Variants in IGDCC4 observed in about 807,000 individuals in gnomAD.
The protein encoded by IGDCC4 is immunoglobulin superfamily DCC subclass member 4.
Under a neutral mutation model 116.6 loss-of-function variants are expected in IGDCC4, and 72 were observed. The ratio of observed to expected loss-of-function variants is 0.62; its 90% CI spans 0.51 to 0.75. The LOEUF (loss-of-function observed/expected upper bound fraction) is 0.75. Ranked by LOEUF, IGDCC4 falls within the 30% of genes least tolerant of loss-of-function variation. The pLI is 0.00. For missense variants in IGDCC4, 1,501 were observed against 1,662.4 expected (o/e 0.90, Z 1.69); for synonymous variants, 709 against 719.9 (o/e 0.98, Z 0.24).
Position 65,393,196 on chromosome 15 carries a change from G to A in IGDCC4, c.1885+165C>T, listed in dbSNP as rs1046347804. 6.6e-6 allele frequency among the ~76,000 whole-genome samples: 1 copy of A among 152,152 alleles called. No homozygotes were observed. Among genetic ancestry groups the A allele is most frequent in the African/African-American group, 2.4e-5 (1 of 41,430 alleles). On this transcript the variant is annotated intron_variant, in intron 10 of 19. Transcript: ENST00000352385. The surrounding 1 kb of genome is among the most constrained non-coding windows in gnomAD (Gnocchi z 4.6). ...CAAATCGAAGGGACACCAGATCCCA[G>A]CCCTTCACCTCTGCACCTAAGCCTC...
At chr15:65,399,437 G>A (rs1458404675) in intron 5 of IGDCC4, among the ~76,000 whole-genome samples, 1 of 143,126 alleles carries the variant, frequency 7.0e-6, no homozygotes, top group Non-Finnish European at 1.5e-5. Flanking sequence ...ACTCCAGCCT[G>A]GGTGACAGGC....
chr15:65,397,083 A>G, intron 5 of IGDCC4, 94 bp from the exon 6 acceptor site: 1 of 1,435,468 alleles, frequency 7.0e-7, no homozygotes, highest in Non-Finnish European at 9.5e-7. Flanking sequence ...ACCCGGATAA[A>G]GCAAACACAA....
At chr15:65,392,451 G>A (rs1436383856) in intron 10 of IGDCC4, 81 bp from the exon 11 acceptor site, 27 of 1,107,160 alleles carry the variant, frequency 2.4e-5, no homozygotes, top group Non-Finnish European at 2.7e-5. Context: ...TAGGAGACAG[G>A]GAAGAGGCAT....
At chr15:65,395,406 C>T (rs1290939716) in intron 7 of IGDCC4, 148 bp from the exon 8 acceptor site, 12 of 795,056 alleles carry the variant, frequency 1.5e-5, no homozygotes, top group Admixed American at 9.7e-5. Context: ...TATAAACTCC[C>T]TCAGCTTCCT....
chr15:65,396,960 C>T lies in IGDCC4; in HGVS notation c.871G>A (p.Val291Ile), dbSNP rs1236007052. The change falls in exon 6 of 20, where the codon GTC (valine) becomes ATC (isoleucine). Residue 291 changes from valine to isoleucine, a missense_variant. Coordinates refer to ENST00000352385, the MANE Select transcript of IGDCC4 (RefSeq NM_020962.3). ...DGKPISTDVI[V>I]LGRTNLLIAN... is the part of the protein sequence containing the mutation. ...ATTAGTAGGTTGGTGCGGCCCAGGA[C>T]GATGACATCTGTGGAGATGGGCTTC... 6.3e-7 allele frequency: 1 copy of T among 1,580,628 alleles called. No individual in the cohort carries two copies. Among genetic ancestry groups the T allele is most frequent in the South Asian group, 1.2e-5 (1 of 86,124 alleles).
chr15:65,384,925 T>C lies in IGDCC4; in HGVS notation c.3342+29A>G. On this transcript the variant is annotated intron_variant, in intron 19 of 19. Coordinates refer to ENST00000352385, the MANE Select transcript of IGDCC4 (RefSeq NM_020962.3). The surrounding 1 kb of genome is among the most constrained non-coding windows in gnomAD (Gnocchi z 4.9). ...ACAAGCACAGAGACCCTTTCCTCCT[T>C]TCCTGCCCCTTCCTTCCAGGACGCT... 6.3e-7 allele frequency: 1 copy of C among 1,587,760 alleles called. No homozygotes were observed. The highest frequency in any genetic ancestry group is 8.5e-7 in the Non-Finnish European group (1 of 1,174,814).
rs1241669982 is a variant in IGDCC4 at position 65,394,455 on chromosome 15, C to G, written c.1670G>C (p.Gly557Ala). The G allele has an allele frequency of 6.2e-7, 1 of 1,614,106 alleles. No homozygotes were observed. The highest frequency in any genetic ancestry group is 1.1e-5 in the South Asian group (1 of 91,084). ...TTCTATCTTGTACTTCACCACCTGC[C>G]CATTGCTCAGGCTGGGGGGCAGGGG... ...WLPLPPSLSN[G>A]QVVKYKIEYG... Residue 557 changes from glycine to alanine, a missense_variant, in exon 9 of 20, where the codon GGG becomes GCG. By Grantham distance (60) the Gly-to-Ala change is moderately conservative. Transcript: ENST00000352385.
rs2091434116 is a variant in IGDCC4, at chr15:65,384,472, T to C, written c.3343-53A>G. 5.5e-6 allele frequency: 8 copies of C among 1,461,118 alleles called. No homozygotes were observed. Among genetic ancestry groups the C allele is most frequent in the Non-Finnish European group, 6.3e-6 (7 of 1,106,792 alleles). The allele number at this position is 1,461,118 out of a possible 1,614,324, so 90.5% of individuals were successfully genotyped here. On this transcript the variant is annotated intron_variant, in intron 19 of 19. Coordinates refer to ENST00000352385, the MANE Select transcript of IGDCC4 (RefSeq NM_020962.3). The surrounding 1 kb of genome is among the most constrained non-coding windows in gnomAD (Gnocchi z 4.9). ...AAGTGACCATTACTGAGAGTAATCATCAGAATGACCAGCGTACGTGGGGCA... is the reference window on the plus strand; with the variant it reads ...AAGTGACCATTACTGAGAGTAATCACCAGAATGACCAGCGTACGTGGGGCA...
At chr15:65,397,522 A>G (rs1241866594) in intron 5 of IGDCC4, among the ~76,000 whole-genome samples, 4 of 152,226 alleles carry the variant, frequency 2.6e-5, no homozygotes, top group African/African-American at 9.6e-5. Flanking sequence ...ATGTCATCAA[A>G]GAAAGGCACT....
Position 65,410,200 on chromosome 15 carries a change from C to T in IGDCC4, c.541G>A (p.Val181Met), listed in dbSNP as rs765397844. The T allele has an allele frequency of 1.4e-5, 23 of 1,613,402 alleles. No homozygotes were observed. Residue 181 changes from valine (V) to methionine (M), a missense_variant, in exon 3 of 20, where the codon GTG becomes ATG. This residue lies in a region of IGDCC4 where 898 missense variants were observed against 978.9 expected (regional missense o/e 0.92). Coordinates refer to ENST00000352385, the MANE Select transcript of IGDCC4 (RefSeq NM_020962.3). ...CACCGAGGCTCCTCAGGCAATGTCACCTGGTCCTTCTCCCAAGTAATGATG... is the reference window on the plus strand; with the variant it reads ...CACCGAGGCTCCTCAGGCAATGTCATCTGGTCCTTCTCCCAAGTAATGATG... ...APIITWEKDQ[V>M]TLPEEPRLIV... is the part of the protein sequence containing the mutation.
intron 1 of IGDCC4, 66 bp from the exon 2 acceptor site, chr15:65,411,436 G>A: frequency 7.3e-7 from 1 of 1,374,438 alleles, no homozygotes; most frequent in Non-Finnish European, 9.7e-7. Context: ...CTCTGCTCCT[G>A]AGTCACCCAT....
At chr15:65,385,699 GGA>G (rs773999492) in intron 18 of IGDCC4, 130 bp downstream of exon 18, 11 of 778,230 alleles carry the variant, frequency 1.4e-5, no homozygotes, top group South Asian at 2.8e-5. Context: ...CGTGGAGGAG[GGA>G]GAGAGGCCCT....
rs748376730 is a variant in IGDCC4, at chr15:65,385,876, A to G, written c.3135T>C (p.Leu1045=). The G allele has an allele frequency of 3.7e-6, 6 of 1,612,838 alleles. No individual in the cohort carries two copies. The highest frequency in any genetic ancestry group is 4.2e-6 in the Non-Finnish European group (5 of 1,180,020). ...DVEDRAEVHS[L]MGGGVSEGRS... is the part of the protein sequence containing the mutation. ...GGCCTTCAGAAACACCGCCACCCAT[A>G]AGGCTGTGCACTTCAGCCCTGTCCT... The change falls in exon 18 of 20, where the codon CTT becomes CTC. Residue 1045 remains leucine (L), a synonymous_variant. Transcript: ENST00000352385.
At chr15:65,408,974 A>G (rs886239221) in intron 3 of IGDCC4, among the ~76,000 whole-genome samples, 1 of 151,860 alleles carries the variant, frequency 6.6e-6, no homozygotes, top group Non-Finnish European at 1.5e-5. Flanking sequence ...CGGGGACCAC[A>G]GGCACCACAC....
chr15:65,410,276 CT>C lies in IGDCC4; in HGVS notation c.464del (p.Glu155GlyfsTer27). 1 of 1,614,068 alleles carries C rather than the reference CT, an allele frequency of 6.2e-7. No individual in the cohort carries two copies. Among genetic ancestry groups the C allele is most frequent in the East Asian group, 2.2e-5 (1 of 44,874 alleles). ...FSLHPESQTV[E>X]ENGTARFECH... ...ACTCAAAGCGAGCTGTCCCGTTCTC[CT>C]CCACCGTCTGAGACTCCGGGTGCAG... On this transcript the variant is annotated frameshift_variant, in exon 3 of 20. Transcript: ENST00000352385. LOFTEE classifies it high-confidence loss of function.
At chr15:65,422,519 AACACACACACACACACAC>A (rs140587709) in intron 1 of IGDCC4, among the ~76,000 whole-genome samples, 3 of 131,226 alleles carry the variant, frequency 2.3e-5, no homozygotes, top group Non-Finnish European at 4.9e-5. Flanking sequence ...GAGCACTCCC[AACACACACACACACACAC>A]ACACACACAC....
intron 1 of IGDCC4, among the ~76,000 whole-genome samples, chr15:65,418,907 G>A (rs183868098): frequency 1.6e-3 from 238 of 152,288 alleles, no homozygotes; most frequent in African/African-American, 5.6e-3. Context: ...TAACGTCTCA[G>A]AAGGTATAGA....
At position 65,393,632 on chromosome 15, in the gene IGDCC4, G is replaced by T. The variant is rs2062889633; in HGVS notation, c.1715-101C>A. 4 of 1,235,502 alleles carry T rather than the reference G, an allele frequency of 3.2e-6. No homozygotes were observed. Among genetic ancestry groups the T allele is most frequent in the Admixed American group, 2.3e-5 (1 of 44,030 alleles). The allele number at this position is 1,235,502 out of a possible 1,614,324, so 76.5% of individuals were successfully genotyped here. Reference sequence around the variant, plus strand: ...CCGCCTCACATCCCGGTTCCTCCGTGCCCGTGGGAGCCTGAGGCGTTCTCA... The same window carrying T: ...CCGCCTCACATCCCGGTTCCTCCGTTCCCGTGGGAGCCTGAGGCGTTCTCA... On this transcript the variant is annotated intron_variant, in intron 9 of 19. Coordinates refer to ENST00000352385, the MANE Select transcript of IGDCC4 (RefSeq NM_020962.3). The surrounding 1 kb of genome is among the most constrained non-coding windows in gnomAD (Gnocchi z 4.6).
Position 65,395,883 on chromosome 15 carries a change from C to G in IGDCC4, c.1278G>C (p.Glu426Asp). The change falls in exon 7 of 20, where the codon GAG becomes GAC. Residue 426 changes from glutamate (E) to aspartate (D), a missense_variant. Transcript: ENST00000352385. The stretch of plus-strand genomic sequence containing the variant: ...CCCGCGTGGGGGCGCTGGGCAGCCC[C>G]TCGCGCACCACCACGGCCAGCGACG... ...AAASLAVVVREGLPSAPTRVT... is the reference protein window; with the variant it reads ...AAASLAVVVRDGLPSAPTRVT... 1 of 1,588,304 alleles carries G rather than the reference C, an allele frequency of 6.3e-7. No individual in the cohort carries two copies. The highest frequency in any genetic ancestry group is 8.5e-7 in the Non-Finnish European group (1 of 1,174,366).
Sources: allele counts gnomAD v4.1 joint callset (sites outside exome capture counted in the v4.1 genomes callset), GRCh38; gene constraint gnomAD v4.1.1; regional missense constraint gnomAD v4.1.1; non-coding constraint Gnocchi (gnomAD v3.1); transcripts MANE v1.5; gene names NCBI Gene and HGNC (gene_info 2026-07-23, HGNC 2026-07-21).